Variants in MAGI2 observed in about 807,000 individuals in gnomAD.
The protein encoded by MAGI2 is membrane associated guanylate kinase, WW and PDZ domain containing 2, also known as membrane-associated guanylate kinase, WW and PDZ domain-containing protein 2.
Under a neutral mutation model 133.3 loss-of-function variants are expected in MAGI2, and 35 were observed. The observed-to-expected ratio is 0.26, with a 90% CI of 0.20 to 0.35. The LOEUF (loss-of-function observed/expected upper bound fraction) is 0.35, where lower values mean the gene tolerates loss of function less well. Among genes scored for constraint, MAGI2 ranks in the 10% least tolerant of loss-of-function variants. The pLI is 1.00. For synonymous variants in MAGI2, 729 were observed against 710.6 expected, an observed-to-expected ratio of 1.03 and a Z score of -0.41; for missense variants, 1,636 against 1,863.4, an observed-to-expected ratio of 0.88 and a Z score of 2.25.
intron 1 of MAGI2, among the ~76,000 whole-genome samples, chr7:79,133,158 T>C (rs1585007385): frequency 6.6e-6 from 1 of 152,314 alleles, no homozygotes; most frequent in South Asian, 2.1e-4. Flanking sequence ...TTTAATTCAG[T>C]CCCATTTATT....
intron 10 of MAGI2, among the ~76,000 whole-genome samples, chr7:78,215,185 A>G (rs1269155842): frequency 1.3e-5 from 2 of 152,184 alleles, no homozygotes; most frequent in East Asian, 3.8e-4. Context: ...ACGTTAATGA[A>G]TAGATTATTG....
At chr7:79,093,947 T>C (rs910834840) in intron 1 of MAGI2, among the ~76,000 whole-genome samples, 1 of 152,070 alleles carries the variant, frequency 6.6e-6, no homozygotes, top group East Asian at 1.9e-4. Context: ...ACTCCTGACC[T>C]CAGGTGACCC....
chr7:79,025,109 C>T (rs930707474), intron 1 of MAGI2, among the ~76,000 whole-genome samples: 7 of 152,004 alleles, frequency 4.6e-5, no homozygotes, highest in African/African-American at 1.4e-4. Flanking sequence ...AACATAAATG[C>T]CCATCAATGG....
chr7:79,240,367 A>G (rs897294865), intron 1 of MAGI2, among the ~76,000 whole-genome samples: 9 of 152,004 alleles, frequency 5.9e-5, no homozygotes, highest in African/African-American at 2.2e-4. Context: ...TGAAAAAAAA[A>G]AAAAAAAGAA....
At chr7:78,589,609 A>T (rs1023020175) in intron 3 of MAGI2, among the ~76,000 whole-genome samples, 2 of 134,064 alleles carry the variant, frequency 1.5e-5, no homozygotes, top group Non-Finnish European at 3.3e-5. Context: ...GGAAGAATAG[A>T]GCCCCAAAGA....
intron 9 of MAGI2, among the ~76,000 whole-genome samples, chr7:78,264,742 G>A (rs761998070): frequency 1.3e-5 from 2 of 152,098 alleles, no homozygotes; most frequent in Non-Finnish European, 2.9e-5. Context: ...TTATTTTCAC[G>A]TAAAATGCAG....
chr7:79,156,483 C>T (rs565982777), intron 1 of MAGI2, among the ~76,000 whole-genome samples: 2 of 152,220 alleles, frequency 1.3e-5, no homozygotes, highest in South Asian at 2.1e-4. Context: ...TCAATAGAAC[C>T]TTGGTCTCCA....
chr7:79,185,746 C>T (rs1585146862), intron 1 of MAGI2, among the ~76,000 whole-genome samples: 1 of 151,654 alleles, frequency 6.6e-6, no homozygotes, highest in East Asian at 1.9e-4. Context: ...ACAGGCATTT[C>T]AAAGATGATT....
chr7:78,739,526 A>G (rs947079957), intron 2 of MAGI2, among the ~76,000 whole-genome samples: 5 of 152,318 alleles, frequency 3.3e-5, no homozygotes, highest in African/African-American at 7.2e-5. Flanking sequence ...CAGAGAAGTC[A>G]TAAGTTGCCC....
At chr7:78,936,412 A>C (rs1210415227) in intron 2 of MAGI2, among the ~76,000 whole-genome samples, 1 of 151,954 alleles carries the variant, frequency 6.6e-6, no homozygotes, top group Non-Finnish European at 1.5e-5. Flanking sequence ...AAAATCTAAA[A>C]TAATATGTTG....
chr7:79,259,807 T>C (rs1287018382), intron 1 of MAGI2, among the ~76,000 whole-genome samples: 1 of 152,244 alleles, frequency 6.6e-6, no homozygotes, highest in Non-Finnish European at 1.5e-5. Context: ...GTGTGCTATA[T>C]ACCAGATTGT....
chr7:78,911,537 C>G (rs908619433), intron 2 of MAGI2, among the ~76,000 whole-genome samples: 4 of 152,094 alleles, frequency 2.6e-5, no homozygotes, highest in African/African-American at 9.7e-5. Flanking sequence ...GACACTAAAC[C>G]TGTCAGCATC....
At chr7:78,388,459 C>T (rs569480395) in intron 6 of MAGI2, among the ~76,000 whole-genome samples, 1 of 152,248 alleles carries the variant, frequency 6.6e-6, no homozygotes, top group East Asian at 1.9e-4. Context: ...AAAAGGCTTT[C>T]TGGAACTACC....
intron 1 of MAGI2, among the ~76,000 whole-genome samples, chr7:79,138,806 C>A (rs1821843966): frequency 6.6e-6 from 1 of 152,000 alleles, no homozygotes; most frequent in African/African-American, 2.4e-5. Context: ...GAGATCGAGA[C>A]CATCCTGGCT....
At chr7:78,068,400 C>T (rs1454112911) in intron 21 of MAGI2, among the ~76,000 whole-genome samples, 3 of 152,144 alleles carry the variant, frequency 2.0e-5, no homozygotes, top group Non-Finnish European at 4.4e-5. Flanking sequence ...TGATATACAA[C>T]ACTAAGACTG....
At chr7:79,321,088 T>C (rs1839147380) in intron 1 of MAGI2, among the ~76,000 whole-genome samples, 1 of 152,158 alleles carries the variant, frequency 6.6e-6, no homozygotes, top group Non-Finnish European at 1.5e-5. Flanking sequence ...GATAACAATA[T>C]GCAGTACTAT....
intron 1 of MAGI2, among the ~76,000 whole-genome samples, chr7:79,168,964 T>C (rs1562958751): frequency 6.9e-6 from 1 of 145,360 alleles, no homozygotes; most frequent in Non-Finnish European, 1.5e-5. Context: ...ACTTGTGGAG[T>C]GATATTTTAA....
At chr7:78,705,018 C>T (rs759484766) in intron 2 of MAGI2, among the ~76,000 whole-genome samples, 4 of 151,980 alleles carry the variant, frequency 2.6e-5, no homozygotes, top group East Asian at 1.9e-4. Context: ...AGAGGGTGAG[C>T]GGAGGGTATA....
chr7:79,394,843 G>T (rs1372659323), intron 1 of MAGI2, among the ~76,000 whole-genome samples: 1 of 152,164 alleles, frequency 6.6e-6, no homozygotes, highest in Non-Finnish European at 1.5e-5. Flanking sequence ...CTTCTAGAAT[G>T]AAAGCAAATG....
Sources: gnomAD v4.1 joint callset for allele counts (sites outside exome capture counted in the v4.1 genomes callset) on GRCh38, gnomAD v4.1.1 for gene constraint, MANE v1.5 for transcripts, NCBI Gene and HGNC (gene_info 2026-07-23, HGNC 2026-07-21) for gene names.